Variants in CNTLN observed in about 807,000 individuals in gnomAD.
CNTLN encodes the protein centlein, also known as centlein, centrosomal protein.
A neutral mutation model predicts 180.0 loss-of-function variants in CNTLN; 212 were observed. That is an observed-to-expected ratio of 1.18 (90% CI 1.05 to 1.32). The LOEUF (loss-of-function observed/expected upper bound fraction) is 1.32. CNTLN is among the 40% of genes most tolerant of loss of function. The pLI, the probability that CNTLN is intolerant of heterozygous loss-of-function variation, is 0.00. For synonymous variants in CNTLN, 722 were observed against 563.1 expected (o/e 1.28, Z -3.99); for missense variants, 2,095 against 1,610.9 (o/e 1.30, Z -5.14).
At chr9:17,334,242 C>T (rs1212630692) in intron 10 of CNTLN, among the ~76,000 whole-genome samples, 2 of 151,810 alleles carry the variant, frequency 1.3e-5, no homozygotes, top group African/African-American at 2.4e-5. Flanking sequence ...GTGTTTTTAG[C>T]AGAGATGGAG....
At position 17,341,199 on chromosome 9, in the gene CNTLN, A is replaced by G. The variant is rs541916734; in HGVS notation, c.1766+251A>G. Among the ~76,000 whole-genome samples, 82 of 152,296 alleles carry G rather than the reference A, an allele frequency of 5.4e-4. 1 individual carries two copies. The South Asian group carries it at 0.015, about 28-fold the overall frequency. Reference sequence around the variant, plus strand: ...TTATGAATTATTGTACACATTTTTAATATCAATGGAATAACTTAATAAAAT... The same window carrying G: ...TTATGAATTATTGTACACATTTTTAGTATCAATGGAATAACTTAATAAAAT... On this transcript the variant is annotated intron_variant, in intron 11 of 25. Coordinates refer to ENST00000380647, the MANE Select transcript of CNTLN (RefSeq NM_017738.4).
intron 12 of CNTLN, among the ~76,000 whole-genome samples, chr9:17,352,296 G>T (rs1469186237): frequency 1.3e-5 from 2 of 150,672 alleles, no homozygotes; most frequent in Non-Finnish European, 3.0e-5. Flanking sequence ...CATAATAATT[G>T]CTTAAGTAGC....
intron 2 of CNTLN, among the ~76,000 whole-genome samples, chr9:17,145,947 T>TG (rs1423943328): frequency 6.6e-6 from 1 of 152,216 alleles, no homozygotes; most frequent in Non-Finnish European, 1.5e-5. Context: ...CATGTATTTT[T>TG]GCCTTGGATT....
chr9:17,207,765 G>T (rs1823027171), intron 2 of CNTLN, among the ~76,000 whole-genome samples: 1 of 152,074 alleles, frequency 6.6e-6, no homozygotes, highest in Non-Finnish European at 1.5e-5. Context: ...GGGAGCTGCA[G>T]ACCAGATCTG....
chr9:17,470,728 A>T (rs952985762), intron 23 of CNTLN, among the ~76,000 whole-genome samples: 5 of 152,040 alleles, frequency 3.3e-5, no homozygotes, highest in Non-Finnish European at 5.9e-5. Context: ...ATGTGCCTGT[A>T]TGTGAGAGTC....
At chr9:17,247,542 G>C (rs147051686) in intron 5 of CNTLN, among the ~76,000 whole-genome samples, 1 of 152,306 alleles carries the variant, frequency 6.6e-6, no homozygotes, top group Admixed American at 6.5e-5. Flanking sequence ...GAGACTGTCT[G>C]TCCTTCCTTC....
At chr9:17,372,707 C>G (rs1255593889) in intron 13 of CNTLN, among the ~76,000 whole-genome samples, 2 of 152,112 alleles carry the variant, frequency 1.3e-5, no homozygotes, top group African/African-American at 4.8e-5. Context: ...CCCTGATGAA[C>G]ATTGATGCAG....
chr9:17,220,785 T>C (rs1824081497), intron 2 of CNTLN, among the ~76,000 whole-genome samples: 1 of 152,106 alleles, frequency 6.6e-6, no homozygotes, highest in Non-Finnish European at 1.5e-5. Flanking sequence ...CTTGTTCTTT[T>C]TTATAGCTTT....
At chr9:17,403,287 A>G (rs954545633) in intron 15 of CNTLN, among the ~76,000 whole-genome samples, 4 of 151,872 alleles carry the variant, frequency 2.6e-5, no homozygotes, top group African/African-American at 9.7e-5. Flanking sequence ...CTATGGCAAC[A>G]GGTATAGCTT....
In CNTLN at chr9:17,480,135, G is replaced by A. The variant is rs1430083086; in HGVS notation, c.3856-4160G>A. 1.1e-4 allele frequency among the ~76,000 whole-genome samples: 17 copies of A among 151,984 alleles called. No individual in the cohort carries two copies. In the East Asian group the frequency reaches 3.3e-3, roughly 29 times the overall value. ...GAGCCTAGGAGTTCAAGGCTATAGT[G>A]AGCTATGATTACACCACTGCATTTC... On this transcript the variant is annotated intron_variant, in intron 23 of 25. Transcript: ENST00000380647.
chr9:17,515,893 T>A, the CNTLN span, among the ~76,000 whole-genome samples: 1 of 152,194 alleles, frequency 6.6e-6, no homozygotes, highest in Non-Finnish European at 1.5e-5. Flanking sequence ...TCACTTCCCA[T>A]CTTACTCAAA....
intron 12 of CNTLN, among the ~76,000 whole-genome samples, chr9:17,357,282 C>T (rs1822925624): frequency 6.6e-6 from 1 of 151,562 alleles, no homozygotes; most frequent in Non-Finnish European, 1.5e-5. Flanking sequence ...TTCCATGTTC[C>T]AGCTTTTATA....
chr9:17,362,691 ACTAT>A (rs1348382576), intron 12 of CNTLN, among the ~76,000 whole-genome samples: 13 of 152,036 alleles, frequency 8.6e-5, no homozygotes, highest in African/African-American at 3.1e-4. Context: ...TTGTGTGATG[ACTAT>A]CTTTATTTTT....
intron 2 of CNTLN, among the ~76,000 whole-genome samples, chr9:17,208,955 C>G (rs1822226929): frequency 6.6e-6 from 1 of 151,854 alleles, no homozygotes; most frequent in African/African-American, 2.4e-5. Flanking sequence ...TTAATTTATG[C>G]TCTGATCTTT....
chr9:17,338,239 A>G (rs1488933951), intron 10 of CNTLN, among the ~76,000 whole-genome samples: 1 of 145,672 alleles, frequency 6.9e-6, no homozygotes, highest in Non-Finnish European at 1.5e-5. Context: ...ATCTTTGCTC[A>G]CTGCAACCTC....
At chr9:17,170,172 CT>C (rs1369380760) in intron 2 of CNTLN, among the ~76,000 whole-genome samples, 2 of 151,886 alleles carry the variant, frequency 1.3e-5, no homozygotes, top group Non-Finnish European at 2.9e-5. Context: ...TTATTAATTT[CT>C]TTTTCAGAGA....
At position 17,347,946 on chromosome 9, in the gene CNTLN, C is replaced by A. The variant is rs538984524; in HGVS notation, c.1886+5502C>A. Among the ~76,000 whole-genome samples, 20 of 152,126 alleles carry A rather than the reference C, an allele frequency of 1.3e-4. 1 individual carries two copies. Among genetic ancestry groups the A allele is most frequent in the African/African-American group, 4.3e-4 (18 of 41,518 alleles). On this transcript the variant is annotated intron_variant, in intron 12 of 25. Coordinates refer to ENST00000380647, the MANE Select transcript of CNTLN (RefSeq NM_017738.4). ...TCCCGGGTTCAAGGTATTCTTCTGC[C>A]TCAGCCTCCTGAGTAGCTGGGGCTA...
At chr9:17,441,154 G>A (rs560084457) in intron 18 of CNTLN, among the ~76,000 whole-genome samples, 65 of 152,268 alleles carry the variant, frequency 4.3e-4, no homozygotes, top group African/African-American at 1.5e-3. Context: ...GACTTTCCCA[G>A]ACAAACAAAA....
At chr9:17,178,992 C>T (rs1193303966) in intron 2 of CNTLN, among the ~76,000 whole-genome samples, 1 of 146,306 alleles carries the variant, frequency 6.8e-6, no homozygotes, top group African/African-American at 2.7e-5. Context: ...CGCCTGTAAT[C>T]CCAGCACTTT....
Sources: allele counts gnomAD v4.1 joint callset (sites outside exome capture counted in the v4.1 genomes callset), GRCh38; gene constraint gnomAD v4.1.1; transcripts MANE v1.5; gene names NCBI Gene and HGNC (gene_info 2026-07-23, HGNC 2026-07-21).